GRIP1: variants seen among roughly 807,000 people sequenced by gnomAD.
The protein encoded by GRIP1 is glutamate receptor interacting protein 1.
GRIP1 carries 45 observed loss-of-function variants against 129.9 expected under a neutral mutation model. The observed-to-expected ratio is 0.35, with a 90% CI of 0.27 to 0.44. The LOEUF (loss-of-function observed/expected upper bound fraction) is 0.44. Among genes scored for constraint, GRIP1 ranks in the 20% least tolerant of loss-of-function variants. GRIP1 has a pLI of 1.00. For missense variants in GRIP1, 1,196 were observed against 1,396.8 expected, an observed-to-expected ratio of 0.86 and a Z score of 2.29; for synonymous variants, 530 against 520.8, an observed-to-expected ratio of 1.02 and a Z score of -0.24.
At chr12:66,607,570 C>A (rs1459740420) in intron 1 of GRIP1, among the ~76,000 whole-genome samples, 1 of 152,120 alleles carries the variant, frequency 6.6e-6, no homozygotes, top group Non-Finnish European at 1.5e-5. Context: ...TTGGACCAGG[C>A]CACATCTAGC....
intron 1 of GRIP1, among the ~76,000 whole-genome samples, chr12:66,844,524 G>A (rs1241671717): frequency 6.6e-6 from 1 of 152,112 alleles, no homozygotes; most frequent in Non-Finnish European, 1.5e-5. Context: ...AATGTAAAAT[G>A]GTACAGCCAC....
intron 23 of GRIP1, among the ~76,000 whole-genome samples, chr12:66,363,901 T>C (rs1422472065): frequency 6.6e-6 from 1 of 152,176 alleles, no homozygotes; most frequent in Non-Finnish European, 1.5e-5. Flanking sequence ...GGTGATCCAC[T>C]AAACTGAAAG....
chr12:66,545,778 A>T (rs1012471806), intron 2 of GRIP1, among the ~76,000 whole-genome samples: 15 of 152,190 alleles, frequency 9.9e-5, no homozygotes, highest in African/African-American at 3.6e-4. Flanking sequence ...GATTTTCTTT[A>T]ATCAGTTGTA....
rs897210799 is a variant in GRIP1, at chr12:66,854,947, T to C, written c.58+214103A>G. ...TGGCTCTTTGTAAAGAGAAACTACT[T>C]ACTCTTAAATTACAGTGTCCATCTT... On this transcript the variant is annotated intron_variant, in intron 1 of 1. Transcript: ENST00000643019. Among the ~76,000 whole-genome samples, 5 of 152,062 alleles carry C rather than the reference T, an allele frequency of 3.3e-5. No individual in the cohort carries two copies. In the South Asian group the frequency reaches 6.2e-4, roughly 19 times the overall value.
At chr12:66,919,798 C>G (rs1375904634) in intron 1 of GRIP1, among the ~76,000 whole-genome samples, 1 of 152,008 alleles carries the variant, frequency 6.6e-6, no homozygotes, top group South Asian at 2.1e-4. Flanking sequence ...AGCAGACACT[C>G]AAATAAAGAG....
chr12:66,351,523 G>T (rs2054218626), intron 24 of GRIP1, among the ~76,000 whole-genome samples: 1 of 150,538 alleles, frequency 6.6e-6, no homozygotes, highest in African/African-American at 2.5e-5. Flanking sequence ...TTTACAATCT[G>T]CTGGGGAGTA....
chr12:66,673,218 G>A (rs1212587616), intron 1 of GRIP1, among the ~76,000 whole-genome samples: 2 of 152,048 alleles, frequency 1.3e-5, no homozygotes, highest in African/African-American at 2.4e-5. Flanking sequence ...TGTATGGTGG[G>A]GATAATGACG....
chr12:66,733,283 C>T (rs993873748), intron 1 of GRIP1, among the ~76,000 whole-genome samples: 1 of 152,046 alleles, frequency 6.6e-6, no homozygotes, highest in Non-Finnish European at 1.5e-5. Flanking sequence ...ACTAACATCC[C>T]TTTTCTTTTT....
intron 1 of GRIP1, among the ~76,000 whole-genome samples, chr12:66,976,965 C>T (rs2042161543): frequency 6.6e-6 from 1 of 152,084 alleles, no homozygotes; most frequent in Non-Finnish European, 1.5e-5. Flanking sequence ...ATTTGAGAAA[C>T]GAATTCTATG....
intron 1 of GRIP1, among the ~76,000 whole-genome samples, chr12:66,871,138 AGGTT>A (rs10616019): frequency 0.21 from 32,566 of 151,904 alleles, 4,220 homozygotes; most frequent in East Asian, 0.29. Context: ...GAATTGGTGT[AGGTT>A]GGGAAGAGGG....
At chr12:66,897,505 T>TTACA (rs2040769873) in intron 1 of GRIP1, among the ~76,000 whole-genome samples, 1 of 152,134 alleles carries the variant, frequency 6.6e-6, no homozygotes, top group Non-Finnish European at 1.5e-5. Flanking sequence ...GACCCAGAGG[T>TTACA]TACAGCTGAG....
intron 7 of GRIP1, among the ~76,000 whole-genome samples, chr12:66,468,188 G>A (rs1276289995): frequency 1.3e-5 from 2 of 152,130 alleles, no homozygotes; most frequent in Non-Finnish European, 2.9e-5. Context: ...CTGTGTTCCA[G>A]GATGTGCTCT....
intron 7 of GRIP1, among the ~76,000 whole-genome samples, chr12:66,473,054 C>A (rs1475274347): frequency 1.3e-5 from 2 of 152,132 alleles, no homozygotes; most frequent in African/African-American, 4.8e-5. Flanking sequence ...CCCCATGGAG[C>A]CCAGCAAGCT....
At chr12:66,674,386 A>G (rs993156513) in intron 1 of GRIP1, among the ~76,000 whole-genome samples, 1 of 152,246 alleles carries the variant, frequency 6.6e-6, no homozygotes, top group Non-Finnish European at 1.5e-5. Flanking sequence ...CCTTGGATTA[A>G]AAGATTCTGC....
intron 12 of GRIP1, among the ~76,000 whole-genome samples, chr12:66,445,013 A>G (rs2058581151): frequency 6.6e-6 from 1 of 152,208 alleles, no homozygotes; most frequent in Admixed American, 6.5e-5. Flanking sequence ...GTAATGATGA[A>G]TGTATATTCC....
intron 20 of GRIP1, among the ~76,000 whole-genome samples, chr12:66,377,524 C>T (rs538219246): frequency 1.0e-4 from 14 of 139,516 alleles, no homozygotes; most frequent in African/African-American, 1.6e-4. Flanking sequence ...TATTTTTAGT[C>T]GAGACAGGGT....
intron 1 of GRIP1, among the ~76,000 whole-genome samples, chr12:66,770,135 T>C (rs2037771414): frequency 6.6e-6 from 1 of 152,212 alleles, no homozygotes; most frequent in South Asian, 2.1e-4. Context: ...ATAAAGCATT[T>C]GGCACAGTGC....
chr12:66,742,690 T>C (rs1426016152), intron 1 of GRIP1, among the ~76,000 whole-genome samples: 2 of 151,276 alleles, frequency 1.3e-5, no homozygotes, highest in African/African-American at 2.4e-5. Flanking sequence ...GAACAGGAAA[T>C]AGAAAACAAC....
intron 8 of GRIP1, among the ~76,000 whole-genome samples, chr12:66,464,151 T>C (rs911306704): frequency 6.6e-6 from 1 of 152,200 alleles, no homozygotes; most frequent in African/African-American, 2.4e-5. Context: ...CCAGTGTGAA[T>C]AGTCTACGTC....
Sources: allele counts gnomAD v4.1 joint callset (sites outside exome capture counted in the v4.1 genomes callset), GRCh38; gene constraint gnomAD v4.1.1; transcripts MANE v1.5; gene names NCBI Gene and HGNC (gene_info 2026-07-23, HGNC 2026-07-21).